Variants in NPAS3 observed in about 807,000 individuals in gnomAD.
NPAS3 encodes the protein neuronal PAS domain protein 3.
NPAS3 carries 14 observed loss-of-function variants against 73.1 expected under a neutral mutation model. The observed-to-expected ratio is 0.19, with a 90% CI of 0.13 to 0.30. NPAS3 has a LOEUF of 0.30. NPAS3 is among the 10% of genes least tolerant of loss of function. The pLI is 1.00. For missense variants in NPAS3, 1,096 were observed against 1,250.0 expected (o/e 0.88, Z 1.86); for synonymous variants, 620 against 541.5 (o/e 1.14, Z -2.01).
At chr14:33,050,144 G>C (rs2040652671) in intron 1 of NPAS3, among the ~76,000 whole-genome samples, 1 of 152,100 alleles carries the variant, frequency 6.6e-6, no homozygotes, top group South Asian at 2.1e-4. Context: ...TCATCAATTT[G>C]GTGCTTGGGC....
chr14:33,445,490 A>G (rs2049444860), intron 4 of NPAS3, among the ~76,000 whole-genome samples: 1 of 152,200 alleles, frequency 6.6e-6, no homozygotes, highest in Non-Finnish European at 1.5e-5. Flanking sequence ...GATCTTTAGA[A>G]TAATTTCTCT....
chr14:33,798,997 C>T (rs1302012987), intron 11 of NPAS3, among the ~76,000 whole-genome samples: 9 of 76,456 alleles, frequency 1.2e-4, no homozygotes, highest in Non-Finnish European at 2.1e-4. Flanking sequence ...AAAAAAAAAT[C>T]AGCCACGTGT....
At chr14:33,665,254 A>T (rs917312247) in intron 5 of NPAS3, among the ~76,000 whole-genome samples, 2 of 152,174 alleles carry the variant, frequency 1.3e-5, no homozygotes, top group African/African-American at 4.8e-5. Flanking sequence ...ATGAGAACAC[A>T]TGGACACAGG....
chr14:33,390,664 C>G (rs1466467688), intron 4 of NPAS3, among the ~76,000 whole-genome samples: 1 of 152,098 alleles, frequency 6.6e-6, no homozygotes, highest in Non-Finnish European at 1.5e-5. Flanking sequence ...ATGCATTTTC[C>G]TTCCTTTAAT....
At chr14:33,473,077 G>A (rs1025800474) in intron 4 of NPAS3, among the ~76,000 whole-genome samples, 1 of 152,092 alleles carries the variant, frequency 6.6e-6, no homozygotes, top group African/African-American at 2.4e-5. Flanking sequence ...GTAAGATAGT[G>A]ATTTCGCAGA....
intron 1 of NPAS3, among the ~76,000 whole-genome samples, chr14:32,948,435 A>G (rs2036352660): frequency 6.6e-6 from 1 of 152,152 alleles, no homozygotes; most frequent in African/African-American, 2.4e-5. Context: ...CATTAAAAAT[A>G]AAATGTTACT....
chr14:33,701,069 G>A (rs1008797129), intron 6 of NPAS3, among the ~76,000 whole-genome samples: 2 of 152,134 alleles, frequency 1.3e-5, no homozygotes, highest in East Asian at 1.9e-4. Context: ...GAGAGGAGAG[G>A]AGAATGAAGT....
chr14:33,608,306 A>G (rs1483356924), intron 5 of NPAS3, among the ~76,000 whole-genome samples: 1 of 148,596 alleles, frequency 6.7e-6, no homozygotes. Context: ...TGAAAGCAAT[A>G]TGTGTGTGCA....
At chr14:33,725,311 C>G (rs756194651) in intron 6 of NPAS3, among the ~76,000 whole-genome samples, 1 of 151,982 alleles carries the variant, frequency 6.6e-6, no homozygotes, top group Non-Finnish European at 1.5e-5. Context: ...GTTATTACCA[C>G]ATAGTAAGCT....
chr14:33,196,774 T>C (rs1379497049), intron 2 of NPAS3, among the ~76,000 whole-genome samples: 1 of 152,236 alleles, frequency 6.6e-6, no homozygotes, highest in African/African-American at 2.4e-5. Context: ...TAGCACACAG[T>C]AACATATAAA....
At chr14:33,391,823 T>C (rs1341711698) in intron 4 of NPAS3, among the ~76,000 whole-genome samples, 1 of 152,178 alleles carries the variant, frequency 6.6e-6, no homozygotes, top group Non-Finnish European at 1.5e-5. Flanking sequence ...CTTGGGTATA[T>C]TGATGACAGA....
intron 7 of NPAS3, among the ~76,000 whole-genome samples, chr14:33,744,615 T>A (rs2061740809): frequency 6.6e-6 from 1 of 151,696 alleles, no homozygotes; most frequent in South Asian, 2.1e-4. Flanking sequence ...TGGCGAAACC[T>A]TGTCTCTACC....
intron 2 of NPAS3, among the ~76,000 whole-genome samples, chr14:33,194,123 G>A (rs1449397920): frequency 6.6e-6 from 1 of 152,032 alleles, no homozygotes; most frequent in Non-Finnish European, 1.5e-5. Flanking sequence ...GAAATTGGCT[G>A]GTATTATTTT....
intron 5 of NPAS3, among the ~76,000 whole-genome samples, chr14:33,566,294 T>C (rs2055932507): frequency 6.6e-6 from 1 of 151,466 alleles, no homozygotes; most frequent in Admixed American, 6.6e-5. Flanking sequence ...ACAGAGATAA[T>C]CTCAGCAATC....
intron 10 of NPAS3, among the ~76,000 whole-genome samples, 184 bp from the exon 11 acceptor site, chr14:33,797,273 G>A (rs1477680744): frequency 6.6e-6 from 1 of 152,248 alleles, no homozygotes; most frequent in Non-Finnish European, 1.5e-5. Context: ...GTGCACCTGT[G>A]CCTTGGCACA....
chr14:33,727,431 T>C (rs556880295), intron 6 of NPAS3, among the ~76,000 whole-genome samples: 17 of 152,284 alleles, frequency 1.1e-4, no homozygotes, highest in African/African-American at 3.9e-4. Context: ...CTTTCTGATA[T>C]ACAATGTTCT....
chr14:33,535,130 G>A (rs927621090), intron 4 of NPAS3, among the ~76,000 whole-genome samples: 2 of 152,114 alleles, frequency 1.3e-5, no homozygotes, highest in Non-Finnish European at 2.9e-5. Context: ...GCAAAACCAA[G>A]CGTAGTATTT....
At chr14:33,244,857 C>G (rs911952674) in intron 3 of NPAS3, among the ~76,000 whole-genome samples, 2 of 152,194 alleles carry the variant, frequency 1.3e-5, no homozygotes, top group Non-Finnish European at 2.9e-5. Flanking sequence ...GCATTGTTTT[C>G]TTCTGACCTT....
At chr14:33,563,610 C>T (rs1017801008) in intron 5 of NPAS3, among the ~76,000 whole-genome samples, 14 of 151,384 alleles carry the variant, frequency 9.2e-5, no homozygotes, top group African/African-American at 3.2e-4. Flanking sequence ...GAACTGGTTT[C>T]AGGTTATAGA....
Sources: allele counts gnomAD v4.1 joint callset (sites outside exome capture counted in the v4.1 genomes callset), GRCh38; gene constraint gnomAD v4.1.1; transcripts MANE v1.5; gene names NCBI Gene and HGNC (gene_info 2026-07-23, HGNC 2026-07-21).